Variants in SLC39A11 observed in about 807,000 individuals in gnomAD.
The protein encoded by SLC39A11 is zinc transporter ZIP11.
In SLC39A11, 33 loss-of-function variants were observed where a neutral mutation model predicts 36.1. The observed-to-expected ratio is 0.91, with a 90% CI of 0.69 to 1.22. The LOEUF is 1.22. SLC39A11 is among the 50% of genes most tolerant of loss of function. The pLI is 0.00. For synonymous variants in SLC39A11, 166 were observed against 170.3 expected (o/e 0.97, Z 0.20); for missense variants, 432 against 430.3 (o/e 1.00, Z -0.03).
chr17:72,869,933 A>T lies in SLC39A11; in HGVS notation c.431-20129T>A, dbSNP rs1408514062. Among the ~76,000 whole-genome samples, 6 of 152,200 alleles carry T rather than the reference A, an allele frequency of 3.9e-5. 1 individual carries two copies. Among genetic ancestry groups the T allele is most frequent in the Admixed American group, 2.6e-4 (4 of 15,278 alleles). The stretch of plus-strand genomic sequence containing the variant: ...TTTTAATGTATTCTTCTAGAAAAAA[A>T]ATATTATAATACCAGGGCATATGTC... On this transcript the variant is annotated intron_variant, in intron 5 of 9. Coordinates refer to ENST00000255559, the MANE Select transcript of SLC39A11 (RefSeq NM_139177.4).
chr17:72,904,796 C>G (rs1406821535), intron 5 of SLC39A11, among the ~76,000 whole-genome samples: 1 of 152,146 alleles, frequency 6.6e-6, no homozygotes, highest in African/African-American at 2.4e-5. Flanking sequence ...CGAAGGTGGG[C>G]AGGAGGGCAT....
intron 6 of SLC39A11, among the ~76,000 whole-genome samples, chr17:72,805,418 T>G (rs1244857615): frequency 6.6e-6 from 1 of 152,202 alleles, no homozygotes; most frequent in African/African-American, 2.4e-5. Context: ...ATGGGTGAAC[T>G]TGGGCTGCAG....
At chr17:73,079,039 A>G (rs537341456) in intron 3 of SLC39A11, among the ~76,000 whole-genome samples, 2 of 152,090 alleles carry the variant, frequency 1.3e-5, no homozygotes, top group East Asian at 3.9e-4. Flanking sequence ...TTTCAATTCT[A>G]TTTCACCACA....
intron 6 of SLC39A11, among the ~76,000 whole-genome samples, chr17:72,743,681 G>A (rs530409790): frequency 2.0e-5 from 3 of 152,276 alleles, no homozygotes; most frequent in African/African-American, 7.2e-5. Context: ...TATGCATGCA[G>A]AAGGAACACC....
chr17:73,013,232 C>T (rs547040893), intron 4 of SLC39A11, among the ~76,000 whole-genome samples: 128 of 152,152 alleles, frequency 8.4e-4, no homozygotes, highest in Non-Finnish European at 1.5e-3. Context: ...GGACTACAGG[C>T]GTGCACCATC....
chr17:72,913,009 TG>T lies in SLC39A11; in HGVS notation c.430+34742del, dbSNP rs571613713. Among the ~76,000 whole-genome samples the T allele has an allele frequency of 3.5e-3, 528 of 152,224 alleles. 2 individuals carry two copies. Among genetic ancestry groups the T allele is most frequent in the Admixed American group, 6.0e-3 (92 of 15,304 alleles). On this transcript the variant is annotated intron_variant, in intron 5 of 9. Coordinates refer to ENST00000255559, the MANE Select transcript of SLC39A11 (RefSeq NM_139177.4). ...CCATTTCTGCTTTTTTAAATATGCT[TG>T]GGTATTAAAGTAGGAATAAAACAAT...
intron 6 of SLC39A11, among the ~76,000 whole-genome samples, chr17:72,767,855 TTGGAGTAAG>T (rs145306461): frequency 0.014 from 2,186 of 152,088 alleles, 45 homozygotes; most frequent in African/African-American, 0.049. Flanking sequence ...GACCAAAGCA[TTGGAGTAAG>T]AAAGAGTTTA....
At chr17:72,698,870 G>A (rs921885201) in intron 7 of SLC39A11, among the ~76,000 whole-genome samples, 7 of 152,040 alleles carry the variant, frequency 4.6e-5, no homozygotes, top group South Asian at 2.1e-4. Flanking sequence ...TCGCTCTGTC[G>A]CCCAGGCTGG....
At chr17:72,875,049 G>A (rs1048267888) in intron 5 of SLC39A11, among the ~76,000 whole-genome samples, 10 of 152,226 alleles carry the variant, frequency 6.6e-5, no homozygotes, top group Admixed American at 1.3e-4. Flanking sequence ...AACACAGCAC[G>A]AGAGAAACAC....
chr17:72,826,762 T>C (rs980258179), intron 6 of SLC39A11, among the ~76,000 whole-genome samples: 2 of 152,194 alleles, frequency 1.3e-5, no homozygotes, highest in Non-Finnish European at 2.9e-5. Context: ...TCACTGCTAT[T>C]AGTCATCAGG....
chr17:72,974,245 G>A (rs1245720923), intron 4 of SLC39A11, among the ~76,000 whole-genome samples: 5 of 151,996 alleles, frequency 3.3e-5, no homozygotes, highest in Admixed American at 1.3e-4. Context: ...GATTACAGGC[G>A]CCCGCCACCA....
At chr17:72,898,498 T>C (rs1446815187) in intron 5 of SLC39A11, among the ~76,000 whole-genome samples, 1 of 152,152 alleles carries the variant, frequency 6.6e-6, no homozygotes, top group African/African-American at 2.4e-5. Context: ...CCAAGAATCT[T>C]AGTGAAACAA....
At chr17:73,086,168 G>A (rs2060723280) in intron 2 of SLC39A11, among the ~76,000 whole-genome samples, 1 of 152,194 alleles carries the variant, frequency 6.6e-6, no homozygotes, top group Admixed American at 6.5e-5. Flanking sequence ...GGAAGGGGCT[G>A]TGAGGTGAGG....
chr17:72,702,721 G>C (rs1209135192), intron 7 of SLC39A11, among the ~76,000 whole-genome samples: 2 of 151,912 alleles, frequency 1.3e-5, no homozygotes, highest in Admixed American at 1.3e-4. Context: ...TGGATCACTT[G>C]AGGTCAGGAG....
intron 3 of SLC39A11, among the ~76,000 whole-genome samples, chr17:73,055,920 T>TC (rs1282995177): frequency 6.6e-6 from 1 of 152,222 alleles, no homozygotes; most frequent in Non-Finnish European, 1.5e-5. Flanking sequence ...CCTGGGCTTC[T>TC]CAAGCCATTC....
At chr17:72,880,323 CTT>C (rs1052165309) in intron 5 of SLC39A11, among the ~76,000 whole-genome samples, 2 of 152,154 alleles carry the variant, frequency 1.3e-5, no homozygotes, top group African/African-American at 4.8e-5. Context: ...AATCCCAACA[CTT>C]TGGGAGGTTG....
chr17:72,822,616 C>T (rs1598876520), intron 6 of SLC39A11, among the ~76,000 whole-genome samples: 1 of 151,310 alleles, frequency 6.6e-6, no homozygotes, highest in East Asian at 1.9e-4. Context: ...CCTGGTCAGG[C>T]GTTCTCACCA....
At chr17:73,060,854 T>A (rs1225462008) in intron 3 of SLC39A11, among the ~76,000 whole-genome samples, 2 of 152,188 alleles carry the variant, frequency 1.3e-5, no homozygotes, top group Admixed American at 1.3e-4. Context: ...ACAACTAAAT[T>A]TCCTTGTCAA....
At chr17:72,665,687 A>C (rs920014055) in intron 7 of SLC39A11, among the ~76,000 whole-genome samples, 1 of 152,044 alleles carries the variant, frequency 6.6e-6, no homozygotes, top group African/African-American at 2.4e-5. Context: ...ACACCCAACC[A>C]AGTTTTGAGG....
Sources: gnomAD v4.1 joint callset for allele counts (sites outside exome capture counted in the v4.1 genomes callset) on GRCh38, gnomAD v4.1.1 for gene constraint, MANE v1.5 for transcripts, NCBI Gene and HGNC (gene_info 2026-07-23, HGNC 2026-07-21) for gene names.